RGS12: variants seen among roughly 807,000 people sequenced by gnomAD.
RGS12 encodes the protein regulator of G-protein signaling 12.
A neutral mutation model predicts 120.1 loss-of-function variants in RGS12; 66 were observed. The ratio of observed to expected loss-of-function variants is 0.55; its 90% CI spans 0.45 to 0.67. The LOEUF (loss-of-function observed/expected upper bound fraction) is 0.67. Among genes scored for constraint, RGS12 ranks in the 30% least tolerant of loss-of-function variants. The probability of loss-of-function intolerance (pLI) is 0.00; values close to 1 mark genes in which losing one functional copy is unlikely to be tolerated. For synonymous variants in RGS12, 827 were observed against 804.7 expected (o/e 1.03, Z -0.47); for missense variants, 1,859 against 1,957.7 (o/e 0.95, Z 0.95).
At position 3,439,451 on chromosome 4, in the gene RGS12, A is replaced by G. The variant is rs753248719; in HGVS notation, c.4115-4A>G. The G allele has an allele frequency of 3.7e-6, 6 of 1,612,544 alleles. No homozygotes were observed. In the Admixed American group the frequency reaches 1.0e-4, roughly 27 times the overall value. ...AGTGACAGCTTCTCTTCTCCTTGTG[A>G]CAGGAAGTGGGACCCATGGCAGCCG... On this transcript the variant is annotated splice_region_variant and splice_polypyrimidine_tract_variant and intron_variant, in intron 17 of 17. Coordinates refer to ENST00000336727, the MANE Select transcript of RGS12 (RefSeq NM_001394154.1).
rs113730518 is a variant in RGS12, at chr4:3,427,484, C to T, written c.3332-606C>T. 1.4e-3 allele frequency among the ~76,000 whole-genome samples: 213 copies of T among 152,332 alleles called. 1 individual carries two copies. Among genetic ancestry groups the T allele is most frequent in the African/African-American group, 3.8e-3 (159 of 41,574 alleles). Reference sequence around the variant, plus strand: ...GGCACAGTGGCTCATGCCTGTAATCCCAGCACTTTTGGAGGCCAAGGTGGG... The same window carrying T: ...GGCACAGTGGCTCATGCCTGTAATCTCAGCACTTTTGGAGGCCAAGGTGGG... On this transcript the variant is annotated intron_variant, in intron 14 of 17. Transcript: ENST00000336727.
intron 2 of RGS12, among the ~76,000 whole-genome samples, chr4:3,326,376 A>G (rs775286567): frequency 2.0e-5 from 3 of 152,172 alleles, no homozygotes; most frequent in Non-Finnish European, 4.4e-5. Context: ...CCTCCCAAGT[A>G]GCTAGAACTA....
chr4:3,401,755 A>G (rs1218570049), intron 4 of RGS12, among the ~76,000 whole-genome samples: 2 of 152,264 alleles, frequency 1.3e-5, no homozygotes, highest in Admixed American at 1.3e-4. Context: ...TAGAGCAGAC[A>G]TCCCGTCAGC....
chr4:3,434,682 A>T (rs925212903), intron 17 of RGS12, among the ~76,000 whole-genome samples: 2 of 152,150 alleles, frequency 1.3e-5, no homozygotes, highest in African/African-American at 4.8e-5. Flanking sequence ...GGTCGCGTGC[A>T]CCCACACCCG....
rs560584399 is a variant in RGS12 at position 3,415,610 on chromosome 4, T to C, written c.2284-368T>C. 2.6e-3 allele frequency among the ~76,000 whole-genome samples: 395 copies of C among 152,326 alleles called. 1 individual carries two copies. Among genetic ancestry groups the C allele is most frequent in the Middle Eastern group, 0.024 (7 of 294 alleles). ...CTGTTTCCTCAGTTGGCCTGTGGCC[T>C]GGCTTCCAGGCTTCGGGGCTGCTTT... On this transcript the variant is annotated intron_variant, in intron 6 of 17. Transcript: ENST00000336727.
chr4:3,423,570 C>G lies in RGS12; in HGVS notation c.3163C>G (p.Pro1055Ala). The G allele has an allele frequency of 6.2e-7, 1 of 1,612,908 alleles. No individual in the cohort carries two copies. The highest frequency in any genetic ancestry group is 8.5e-7 in the Non-Finnish European group (1 of 1,179,958). The part of the protein sequence containing the change: ...SVGLKAKPTK[P>A]VTEVLRPVVA... ...GGGACTCAAGGCCAAGCCCACCAAG[C>G]CCGTCACGGAGGTGCTGCGGCCCGT... The change falls in exon 13 of 18, where the codon CCC (proline) becomes GCC (alanine). Residue 1055 changes from proline (P) to alanine (A), a missense_variant. This residue lies in a region of RGS12 where 375 missense variants were observed against 475.0 expected (regional missense o/e 0.79). Transcript: ENST00000336727.
At chr4:3,318,078 C>T (rs372211220) in intron 2 of RGS12, 27 bp downstream of exon 2, 97 of 1,547,060 alleles carry the variant, frequency 6.3e-5, no homozygotes, top group South Asian at 1.6e-4. Context: ...CCACTCAGCG[C>T]GGAGGCCCGG....
In RGS12 at chr4:3,417,635, A is replaced by G. The variant is rs140245691; in HGVS notation, c.2761+94A>G. ...TGGTGGTTGGCGGTGACCTTGGGCC[A>G]TGTGTGCAGTGAGAGGCCCTGTTGG... On this transcript the variant is annotated intron_variant, in intron 9 of 17. Coordinates refer to ENST00000336727, the MANE Select transcript of RGS12 (RefSeq NM_001394154.1). 273 of 1,378,368 alleles carry G rather than the reference A, an allele frequency of 2.0e-4. No homozygotes were observed. In the African/African-American group the frequency reaches 3.4e-3, roughly 17 times the overall value. 85.4% of individuals were successfully genotyped at this position (1,378,368 alleles called of 1,614,324 possible).
At chr4:3,363,737 A>T (rs989552609) in intron 3 of RGS12, among the ~76,000 whole-genome samples, 1 of 151,766 alleles carries the variant, frequency 6.6e-6, no homozygotes, top group Non-Finnish European at 1.5e-5. Context: ...AAAGACCAAC[A>T]GTGGTTCCCA....
In RGS12 at chr4:3,316,262, G is replaced by T; in HGVS notation, c.92G>T (p.Gly31Val). ...RSVEVARGRA[G>V]YGFTLSGQAP... ...GTGGAGGTTGCCCGGGGGAGGGCCG[G>T]CTACGGATTCACGCTTTCGGGACAG... Residue 31 changes from glycine to valine, a missense_variant, in exon 2 of 18, where the codon GGC becomes GTC. This residue lies in a region of RGS12 where 967 missense variants were observed against 994.2 expected (regional missense o/e 0.97). Coordinates refer to ENST00000336727, the MANE Select transcript of RGS12 (RefSeq NM_001394154.1). 6.2e-7 allele frequency: 1 copy of T among 1,613,726 alleles called. No individual in the cohort carries two copies. Among genetic ancestry groups the T allele is most frequent in the South Asian group, 1.1e-5 (1 of 91,058 alleles).
chr4:3,396,943 CAT>C (rs1055833071), intron 4 of RGS12, among the ~76,000 whole-genome samples: 9 of 151,674 alleles, frequency 5.9e-5, no homozygotes, highest in African/African-American at 1.9e-4. Flanking sequence ...TGTAATTATA[CAT>C]ATGTGATCTT....
chr4:3,287,550 C>T, the RGS12 span, among the ~76,000 whole-genome samples: 1 of 152,208 alleles, frequency 6.6e-6, no homozygotes, highest in Admixed American at 6.5e-5. Context: ...GCCTTTGGGA[C>T]CTCCCCAGCC....
intron 1 of RGS12, among the ~76,000 whole-genome samples, chr4:3,294,673 CCT>C (rs1560633892): frequency 1.3e-5 from 2 of 152,120 alleles, no homozygotes; most frequent in Admixed American, 1.3e-4. Flanking sequence ...TTGGTGCACC[CCT>C]GTCTGGGTCT....
chr4:3,376,980 G>A (rs868436360), intron 3 of RGS12, among the ~76,000 whole-genome samples: 1 of 151,960 alleles, frequency 6.6e-6, no homozygotes, highest in African/African-American at 2.4e-5. Context: ...AAAAGGTAAA[G>A]CATATATTAG....
At chr4:3,436,879 G>A (rs1724857552) in intron 17 of RGS12, among the ~76,000 whole-genome samples, 1 of 152,064 alleles carries the variant, frequency 6.6e-6, no homozygotes, top group Admixed American at 6.5e-5. Context: ...GCCAGCCGAG[G>A]GCAGGGAGCC....
rs941886228 is a variant in RGS12, at chr4:3,372,463, C to T, written c.1999-13953C>T. On this transcript the variant is annotated intron_variant, in intron 3 of 17. Coordinates refer to ENST00000336727, the MANE Select transcript of RGS12 (RefSeq NM_001394154.1). The surrounding 1 kb of genome is among the most constrained non-coding windows in gnomAD (Gnocchi z 4.3). ...ACGGCTGGACAAGCATGACAGTTGT[C>T]GCGGAGCCGCCCGAGCTGTTGGCTT... 9.9e-5 allele frequency among the ~76,000 whole-genome samples: 15 copies of T among 152,254 alleles called. No homozygotes were observed. The highest frequency in any genetic ancestry group is 3.4e-4 in the African/African-American group (14 of 41,476).
At chr4:3,291,922 T>G (rs996992222), upstream of RGS12, among the ~76,000 whole-genome samples, 2 of 152,120 alleles carry the variant, frequency 1.3e-5, no homozygotes, top group South Asian at 4.2e-4. Context: ...TGCCATTGGT[T>G]TCCTCCTGGG....
chr4:3,406,052 A>G (rs1416700304), intron 4 of RGS12, among the ~76,000 whole-genome samples: 1 of 152,082 alleles, frequency 6.6e-6, no homozygotes, highest in Non-Finnish European at 1.5e-5. Flanking sequence ...TAGTGCCTAC[A>G]TCTGGGCTTC....
chr4:3,311,382 T>G (rs1047354842), intron 1 of RGS12, among the ~76,000 whole-genome samples: 1 of 152,216 alleles, frequency 6.6e-6, no homozygotes, highest in African/African-American at 2.4e-5. Context: ...AGGTTTTAAC[T>G]TTAGAAGGGA....
Sources: allele counts gnomAD v4.1 joint callset (sites outside exome capture counted in the v4.1 genomes callset), GRCh38; gene constraint gnomAD v4.1.1; regional missense constraint gnomAD v4.1.1; non-coding constraint Gnocchi (gnomAD v3.1); transcripts MANE v1.5; gene names NCBI Gene and HGNC (gene_info 2026-07-23, HGNC 2026-07-21).